The following HK1 variants were observed in gnomAD, a reference collection of about 807,000 sequenced individuals.
HK1 encodes the protein hexokinase 1, also known as hexokinase-1.
A neutral mutation model predicts 91.6 loss-of-function variants in HK1; 28 were observed. The ratio of observed to expected loss-of-function variants is 0.31; its 90% CI spans 0.23 to 0.42. The LOEUF (loss-of-function observed/expected upper bound fraction) is 0.42. HK1 is among the 10% of genes least tolerant of loss of function. HK1 has a pLI of 1.00. For missense variants in HK1, 770 were observed against 1,219.8 expected, an observed-to-expected ratio of 0.63 and a Z score of 5.49; for synonymous variants, 430 against 468.1, an observed-to-expected ratio of 0.92 and a Z score of 1.05.
In HK1 at chr10:69,368,629, G is replaced by C. The variant is rs138198944; in HGVS notation, c.589G>C (p.Gly197Arg). The C allele has an allele frequency of 5.0e-6, 8 of 1,612,912 alleles. No homozygotes were observed. In the African/African-American group the frequency reaches 8.0e-5, roughly 16 times the overall value. The change falls in exon 5 of 18, where the codon GGG becomes CGG. Residue 197 changes from glycine to arginine, a missense_variant and splice_region_variant. Coordinates refer to ENST00000359426, the MANE Select transcript of HK1 (RefSeq NM_000188.3). ...GCTTAACAAAGCCATCAAAAAGCGA[G>C]GGGTAATTTCTCCTGGGCCCTCTGC... ...KLLNKAIKKR[G>R]DYDANIVAVV...
At chr10:69,302,894 A>G (rs1845950262) in intron 5 of HK1, among the ~76,000 whole-genome samples, 1 of 152,146 alleles carries the variant, frequency 6.6e-6, no homozygotes. Flanking sequence ...GAGTTCAAGG[A>G]TGATGGCAGA....
At chr10:69,340,758 C>T (rs1848246737) in intron 1 of HK1, among the ~76,000 whole-genome samples, 1 of 152,154 alleles carries the variant, frequency 6.6e-6, no homozygotes, top group African/African-American at 2.4e-5. Context: ...AGACACACAA[C>T]TCTCATCATG....
Position 69,382,687 on chromosome 10 carries a change from A to G in HK1, c.1466A>G (p.Lys489Arg). The G allele has an allele frequency of 1.2e-6, 2 of 1,613,850 alleles. No individual in the cohort carries two copies. Residue 489 changes from lysine (K) to arginine (R), a missense_variant, in exon 10 of 18, where the codon AAG becomes AGG. Coordinates refer to ENST00000359426, the MANE Select transcript of HK1 (RefSeq NM_000188.3). ...AAGGACATGCTGCTGGAGGTGAAGA[A>G]GAGGATGCGGGCCGAGATGGAGCTG... The part of the protein sequence containing the change: ...LTKDMLLEVK[K>R]RMRAEMELGL...
chr10:69,392,434 C>A (rs1839936959), intron 15 of HK1, 126 bp downstream of exon 15: 1 of 978,978 alleles, frequency 1.0e-6, no homozygotes, highest in African/African-American at 1.6e-5. Context: ...AAGACTGGAC[C>A]CCCTGGCTCA....
At chr10:69,368,419 G>T in intron 4 of HK1, 117 bp from the exon 5 acceptor site, 1 of 824,670 alleles carries the variant, frequency 1.2e-6, no homozygotes, top group South Asian at 1.4e-5. Flanking sequence ...TGATCTGGGA[G>T]GAGCCACTTG....
chr10:69,289,912 G>A (rs968734332), intron 3 of HK1, among the ~76,000 whole-genome samples: 1 of 151,716 alleles, frequency 6.6e-6, no homozygotes, highest in Non-Finnish European at 1.5e-5. Context: ...GAGCCACTGT[G>A]CCCAGCCCAG....
chr10:69,340,318 C>A (rs766600131), intron 1 of HK1, among the ~76,000 whole-genome samples: 1 of 152,198 alleles, frequency 6.6e-6, no homozygotes, highest in Non-Finnish European at 1.5e-5. Context: ...GCGATCTTGG[C>A]TGACTGCAAT....
chr10:69,281,803 AAAGG>A (rs1396341744), intron 1 of HK1, among the ~76,000 whole-genome samples: 5 of 152,156 alleles, frequency 3.3e-5, no homozygotes, highest in African/African-American at 1.2e-4. Flanking sequence ...CCCAAAGAAT[AAAGG>A]AAGGGGAGGG....
intron 2 of HK1, among the ~76,000 whole-genome samples, chr10:69,285,665 GGA>G (rs1844996759): frequency 6.6e-6 from 1 of 152,150 alleles, no homozygotes; most frequent in East Asian, 1.9e-4. Flanking sequence ...TCTTGAAGAG[GGA>G]GAGAGGGGCA....
At chr10:69,387,036 G>A (rs1839670027) in intron 13 of HK1, among the ~76,000 whole-genome samples, 2 of 152,042 alleles carry the variant, frequency 1.3e-5, no homozygotes, top group South Asian at 4.1e-4. Context: ...TTAGGCCTTG[G>A]TGTTCTCCTG....
chr10:69,343,859 C>G lies in HK1; in HGVS notation c.96C>G (p.Ser32=). The G allele has an allele frequency of 6.2e-7, 1 of 1,613,874 alleles. No homozygotes were observed. Among genetic ancestry groups the G allele is most frequent in the African/African-American group, 1.3e-5 (1 of 74,978 alleles). ...IDKYLYAMRL[S]DETLIDIMTR... Reference sequence around the variant, plus strand: ...AGTATCTCTATGCCATGCGGCTCTCCGATGAAACTCTCATAGATATCATGA... The same window carrying G: ...AGTATCTCTATGCCATGCGGCTCTCGGATGAAACTCTCATAGATATCATGA... The change falls in exon 2 of 18, where the codon TCC becomes TCG. Residue 32 remains serine, a synonymous_variant. Coordinates refer to ENST00000359426, the MANE Select transcript of HK1 (RefSeq NM_000188.3).
chr10:69,309,922 T>C (rs1293570161), intron 5 of HK1, among the ~76,000 whole-genome samples: 7 of 149,750 alleles, frequency 4.7e-5, no homozygotes, highest in Non-Finnish European at 8.9e-5. Flanking sequence ...TTGTGGCGCA[T>C]GCCTGTAATC....
At chr10:69,295,381 A>C (rs1163472635) in intron 3 of HK1, among the ~76,000 whole-genome samples, 3 of 152,184 alleles carry the variant, frequency 2.0e-5, no homozygotes, top group Non-Finnish European at 2.9e-5. Flanking sequence ...CCAGCTTCCA[A>C]CACAGTGCCT....
chr10:69,352,173 A>G (rs942786652), intron 2 of HK1, among the ~76,000 whole-genome samples: 1 of 151,982 alleles, frequency 6.6e-6, no homozygotes, highest in African/African-American at 2.4e-5. Context: ...TTGTATTTTT[A>G]GTAGAGACAG....
intron 1 of HK1, among the ~76,000 whole-genome samples, chr10:69,325,570 G>C (rs1443621613): frequency 6.6e-6 from 1 of 150,618 alleles, no homozygotes; most frequent in East Asian, 1.9e-4. Context: ...CTGTATCCTG[G>C]GTTGGAGTGC....
upstream of HK1, among the ~76,000 whole-genome samples, chr10:69,311,006 G>GA (rs529141437): frequency 9.7e-4 from 147 of 151,286 alleles, no homozygotes; most frequent in African/African-American, 3.0e-3. Flanking sequence ...GCAGTGAGCC[G>GA]AGACTGCACC....
At position 69,392,215 on chromosome 10, in the gene HK1, G is replaced by T. The variant is rs776649544; in HGVS notation, c.2126G>T (p.Trp709Leu). 3.1e-5 allele frequency: 50 copies of T among 1,614,052 alleles called. No homozygotes were observed. Among genetic ancestry groups the T allele is most frequent in the Admixed American group, 3.3e-5 (2 of 60,002 alleles). ...GGGCAGATGTGCATCAACATGGAGTGGGGGGCCTTTGGGGACAACGGGTGT... is the reference window on the plus strand; with the variant it reads ...GGGCAGATGTGCATCAACATGGAGTTGGGGGCCTTTGGGGACAACGGGTGT... ...DQGQMCINME[W>L]GAFGDNGCLD... Residue 709 changes from tryptophan to leucine, a missense_variant, in exon 15 of 18, where the codon TGG becomes TTG. Trp to Leu is a moderately conservative substitution (Grantham distance 61, BLOSUM62 -2). Around this residue, in one of 7 missense-constraint regions of HK1, gnomAD observed 152 missense variants for 211.1 expected, o/e 0.72. Transcript: ENST00000359426.
intron 1 of HK1, chr10:69,338,211 C>T: frequency 9.1e-7 from 1 of 1,096,248 alleles, no homozygotes; most frequent in South Asian, 2.4e-5. Flanking sequence ...AGCAAGAGCG[C>T]CCGCCCTGTG....
At chr10:69,391,825 C>A (rs905493537) in intron 14 of HK1, among the ~76,000 whole-genome samples, 54 of 152,228 alleles carry the variant, frequency 3.5e-4, no homozygotes, top group African/African-American at 1.3e-3. Flanking sequence ...ATTGATGCTC[C>A]ATCTCTTTGC....
Sources: allele counts gnomAD v4.1 joint callset (sites outside exome capture counted in the v4.1 genomes callset), GRCh38; gene constraint gnomAD v4.1.1; regional missense constraint gnomAD v4.1.1; transcripts MANE v1.5; gene names NCBI Gene and HGNC (gene_info 2026-07-23, HGNC 2026-07-21).